The following PREX2 variants were observed in gnomAD, a reference collection of about 807,000 sequenced individuals.
PREX2 encodes the protein phosphatidylinositol-3,4,5-trisphosphate dependent Rac exchange factor 2.
In PREX2, 107 loss-of-function variants were observed where a neutral mutation model predicts 203.2. The ratio of observed to expected loss-of-function variants is 0.53; its 90% CI spans 0.45 to 0.62. The LOEUF is 0.62. Ranked by LOEUF, PREX2 falls within the 20% of genes least tolerant of loss-of-function variation. PREX2 has a pLI of 0.00. For missense variants in PREX2, 1,777 were observed against 1,955.9 expected (o/e 0.91, Z 1.72); for synonymous variants, 672 against 663.6 (o/e 1.01, Z -0.19).
chr8:68,150,659 G>A (rs146422603), intron 34 of PREX2, among the ~76,000 whole-genome samples: 10 of 152,260 alleles, frequency 6.6e-5, no homozygotes, highest in Non-Finnish European at 8.8e-5. Flanking sequence ...CCAAGGTGGC[G>A]ATTGATCTTC....
At chr8:68,150,947 A>G (rs1811421640) in intron 34 of PREX2, among the ~76,000 whole-genome samples, 1 of 152,138 alleles carries the variant, frequency 6.6e-6, no homozygotes, top group Non-Finnish European at 1.5e-5. Flanking sequence ...TTGTGGCAGC[A>G]TAACTACAAT....
At chr8:68,100,166 T>C in intron 23 of PREX2, 1 of 485,992 alleles carries the variant, frequency 2.1e-6, no homozygotes, top group Non-Finnish European at 4.1e-6. Context: ...AATTTAAAAT[T>C]ATACTATAGT....
chr8:68,144,763 G>A (rs190906729), intron 33 of PREX2, among the ~76,000 whole-genome samples: 3 of 152,188 alleles, frequency 2.0e-5, no homozygotes, highest in Admixed American at 1.3e-4. Context: ...TTGATCCCAG[G>A]AGTTTTAGTG....
intron 31 of PREX2, among the ~76,000 whole-genome samples, chr8:68,129,104 T>C (rs555331568): frequency 6.6e-6 from 1 of 152,272 alleles, no homozygotes; most frequent in African/African-American, 2.4e-5. Context: ...GTTTTAAAGG[T>C]GAAGAAATTG....
chr8:68,178,709 A>G (rs1442118711), intron 35 of PREX2, among the ~76,000 whole-genome samples: 3 of 152,148 alleles, frequency 2.0e-5, no homozygotes, highest in Non-Finnish European at 4.4e-5. Flanking sequence ...TCCAGGTTGG[A>G]ATGACAACAT....
chr8:67,968,730 G>T (rs1048223097), intron 1 of PREX2, among the ~76,000 whole-genome samples: 1 of 152,104 alleles, frequency 6.6e-6, no homozygotes, highest in Admixed American at 6.5e-5. Flanking sequence ...CTGCCTGATT[G>T]TTTCAAAGTA....
chr8:67,981,013 T>C (rs1156323980), intron 1 of PREX2, among the ~76,000 whole-genome samples: 1 of 152,184 alleles, frequency 6.6e-6, no homozygotes, highest in Non-Finnish European at 1.5e-5. Flanking sequence ...AGGGGGCAAT[T>C]GGATGGAATA....
chr8:68,213,995 A>G (rs1450852753), intron 37 of PREX2, among the ~76,000 whole-genome samples: 1 of 152,208 alleles, frequency 6.6e-6, no homozygotes, highest in Non-Finnish European at 1.5e-5. Context: ...AGGAGCTGAA[A>G]AATTGAAGGC....
chr8:68,104,316 C>T (rs958749970), intron 23 of PREX2, among the ~76,000 whole-genome samples: 1 of 152,156 alleles, frequency 6.6e-6, no homozygotes, highest in East Asian at 1.9e-4. Context: ...CTTTCAATGG[C>T]CTTCAGGATC....
rs1199645622 is a variant in PREX2 at position 68,157,417 on chromosome 8, C to G, written c.4327C>G (p.Gln1443Glu). 1.2e-6 allele frequency: 2 copies of G among 1,605,242 alleles called. No individual in the cohort carries two copies. Among genetic ancestry groups the G allele is most frequent in the South Asian group, 2.2e-5 (2 of 90,772 alleles). ...TGCAGCCTCACTGGAAAAGGTCAAA[C>G]AGTACAACCAGAAGCTCAGGTATGT... ...INAASLEKVK[Q>E]YNQKLRAFYL... is the part of the protein sequence containing the mutation. The change falls in exon 35 of 40, where the codon CAG becomes GAG. Residue 1443 changes from glutamine (Q) to glutamate (E), a missense_variant. By Grantham distance (29) the Gln-to-Glu change is conservative. Coordinates refer to ENST00000288368, the MANE Select transcript of PREX2 (RefSeq NM_024870.4).
At chr8:68,228,892 T>TG (rs1325404723) in intron 39 of PREX2, among the ~76,000 whole-genome samples, 5 of 144,850 alleles carry the variant, frequency 3.5e-5, no homozygotes, top group African/African-American at 1.3e-4. Flanking sequence ...CAGTGAGCTA[T>TG]GGTTGTACCA....
intron 35 of PREX2, chr8:68,176,718 T>G (rs761910549): frequency 6.6e-6 from 1 of 152,136 alleles, no homozygotes; most frequent in African/African-American, 2.4e-5. Context: ...GGAAGGTAGC[T>G]TTCGTGAGTT....
At chr8:68,063,860 A>C (rs904560500) in intron 11 of PREX2, among the ~76,000 whole-genome samples, 2 of 152,202 alleles carry the variant, frequency 1.3e-5, no homozygotes, top group Admixed American at 1.3e-4. Flanking sequence ...TATTAGAATG[A>C]AGAGGTATGA....
chr8:68,033,925 A>C (rs1369135047), intron 6 of PREX2, among the ~76,000 whole-genome samples: 1 of 152,196 alleles, frequency 6.6e-6, no homozygotes, highest in East Asian at 1.9e-4. Flanking sequence ...AGTTCTTATA[A>C]ATAACAGGTG....
chr8:68,206,884 G>A (rs1235432521), intron 37 of PREX2, among the ~76,000 whole-genome samples: 1 of 152,062 alleles, frequency 6.6e-6, no homozygotes, highest in Non-Finnish European at 1.5e-5. Flanking sequence ...AGTATGTAGC[G>A]TCAGTTCTTT....
chr8:68,077,596 A>G (rs1049657418), intron 15 of PREX2, 127 bp downstream of exon 15: 3 of 750,820 alleles, frequency 4.0e-6, no homozygotes, highest in Non-Finnish European at 7.2e-6. Flanking sequence ...GGGTCTTGCC[A>G]TGGGTTCAGG....
chr8:68,130,523 A>G (rs1056815591), intron 31 of PREX2, among the ~76,000 whole-genome samples: 1 of 152,214 alleles, frequency 6.6e-6, no homozygotes, highest in Admixed American at 6.5e-5. Flanking sequence ...CTAAACAAAA[A>G]GAAGAATCAC....
intron 1 of PREX2, among the ~76,000 whole-genome samples, chr8:68,014,476 C>G (rs1807356917): frequency 6.6e-6 from 1 of 152,072 alleles, no homozygotes; most frequent in Non-Finnish European, 1.5e-5. Context: ...GAGAGCCTCA[C>G]TTCCTCTGAA....
chr8:68,169,387 G>A (rs948581239), intron 35 of PREX2, among the ~76,000 whole-genome samples: 1 of 151,900 alleles, frequency 6.6e-6, no homozygotes, highest in Non-Finnish European at 1.5e-5. Context: ...TACAATTATG[G>A]AGTTTGTTCC....
Sources: allele counts gnomAD v4.1 joint callset (sites outside exome capture counted in the v4.1 genomes callset), GRCh38; gene constraint gnomAD v4.1.1; transcripts MANE v1.5; gene names NCBI Gene and HGNC (gene_info 2026-07-23, HGNC 2026-07-21).